ZDHHC14: variants seen among roughly 807,000 people sequenced by gnomAD.
The protein encoded by ZDHHC14 is zDHHC palmitoyltransferase 14.
A neutral mutation model predicts 47.7 loss-of-function variants in ZDHHC14; 16 were observed. That is an observed-to-expected ratio of 0.34 (90% CI 0.23 to 0.51). ZDHHC14 has a LOEUF of 0.51. Ranked by LOEUF, ZDHHC14 falls within the 20% of genes least tolerant of loss-of-function variation. The pLI is 0.97. For synonymous variants in ZDHHC14, 293 were observed against 278.9 expected, an observed-to-expected ratio of 1.05 and a Z score of -0.50; for missense variants, 515 against 662.5, an observed-to-expected ratio of 0.78 and a Z score of 2.44.
chr6:157,610,213 G>A (rs925229964), intron 3 of ZDHHC14, among the ~76,000 whole-genome samples: 2 of 152,216 alleles, frequency 1.3e-5, no homozygotes, highest in Non-Finnish European at 2.9e-5. Flanking sequence ...GGGAGGCCGA[G>A]GCAGGCGGAT....
chr6:157,560,635 G>T (rs1782672215), intron 2 of ZDHHC14, among the ~76,000 whole-genome samples: 1 of 152,076 alleles, frequency 6.6e-6, no homozygotes, highest in Non-Finnish European at 1.5e-5. Context: ...TGATGAGCAT[G>T]TGTTACCTTT....
intron 3 of ZDHHC14, among the ~76,000 whole-genome samples, chr6:157,617,142 A>G (rs1317278386): frequency 6.6e-6 from 1 of 152,224 alleles, no homozygotes; most frequent in Non-Finnish European, 1.5e-5. Context: ...GGCATTAGTG[A>G]CAGTCACGAG....
chr6:157,435,381 C>T (rs1051782142), intron 1 of ZDHHC14, among the ~76,000 whole-genome samples: 2 of 152,318 alleles, frequency 1.3e-5, no homozygotes, highest in African/African-American at 2.4e-5. Flanking sequence ...GGAGGGACTG[C>T]AGAAAGTCTT....
chr6:157,645,860 G>C (rs544067425), intron 6 of ZDHHC14, 21 bp downstream of exon 6: 42 of 1,605,882 alleles, frequency 2.6e-5, no homozygotes, highest in South Asian at 2.3e-4. Context: ...GACCACACGG[G>C]ACACGGGCGT....
intron 1 of ZDHHC14, among the ~76,000 whole-genome samples, chr6:157,467,180 C>T (rs1779239448): frequency 6.6e-6 from 1 of 152,144 alleles, no homozygotes; most frequent in Non-Finnish European, 1.5e-5. Context: ...AACTCACATG[C>T]CGTGAGATTT....
intron 1 of ZDHHC14, among the ~76,000 whole-genome samples, chr6:157,458,782 C>T (rs749197592): frequency 2.7e-5 from 4 of 149,226 alleles, no homozygotes; most frequent in South Asian, 2.1e-4. Context: ...ACTCAATTTA[C>T]GATATAACTA....
chr6:157,391,981 A>G (rs1777427583), intron 1 of ZDHHC14, among the ~76,000 whole-genome samples: 1 of 152,004 alleles, frequency 6.6e-6, no homozygotes, highest in African/African-American at 2.4e-5. Context: ...TCTCTTTTTA[A>G]TCTTTCTTTC....
intron 1 of ZDHHC14, among the ~76,000 whole-genome samples, chr6:157,439,690 T>C (rs562906503): frequency 6.6e-6 from 1 of 152,244 alleles, no homozygotes; most frequent in East Asian, 1.9e-4. Context: ...AATCATCCTA[T>C]TACAAAGGTT....
chr6:157,393,226 C>T (rs1459803834), intron 1 of ZDHHC14, among the ~76,000 whole-genome samples: 2 of 152,200 alleles, frequency 1.3e-5, no homozygotes, highest in African/African-American at 4.8e-5. Flanking sequence ...TTAAAAACAG[C>T]AGTATAATCA....
chr6:157,534,263 G>A (rs1781463989), intron 1 of ZDHHC14, among the ~76,000 whole-genome samples: 1 of 152,144 alleles, frequency 6.6e-6, no homozygotes, highest in Non-Finnish European at 1.5e-5. Context: ...TCTCGGAAGG[G>A]CCCTGGCTTG....
At chr6:157,410,908 G>T (rs1192651854) in intron 1 of ZDHHC14, among the ~76,000 whole-genome samples, 1 of 152,124 alleles carries the variant, frequency 6.6e-6, no homozygotes, top group African/African-American at 2.4e-5. Flanking sequence ...TGTTGGCCAG[G>T]ATGGTCTCGA....
At chr6:157,664,241 C>A (rs1778460388) in intron 8 of ZDHHC14, among the ~76,000 whole-genome samples, 1 of 152,238 alleles carries the variant, frequency 6.6e-6, no homozygotes, top group African/African-American at 2.4e-5. Context: ...CATATCCAAT[C>A]TACTGCTAAC....
chr6:157,634,752 T>C (rs927950742), intron 5 of ZDHHC14, among the ~76,000 whole-genome samples: 3 of 152,234 alleles, frequency 2.0e-5, no homozygotes, highest in Non-Finnish European at 2.9e-5. Context: ...TGAAACCCTG[T>C]GCGTGTGCAG....
At chr6:157,530,877 G>T (rs1447672598) in intron 1 of ZDHHC14, among the ~76,000 whole-genome samples, 1 of 151,784 alleles carries the variant, frequency 6.6e-6, no homozygotes, top group Non-Finnish European at 1.5e-5. Context: ...ATTCCTTGAG[G>T]TTTATGATGA....
At chr6:157,470,501 G>A (rs1479729481) in intron 1 of ZDHHC14, among the ~76,000 whole-genome samples, 1 of 152,168 alleles carries the variant, frequency 6.6e-6, no homozygotes, top group Non-Finnish European at 1.5e-5. Context: ...TTGAAAAAGT[G>A]TCAAAAAGCT....
intron 5 of ZDHHC14, among the ~76,000 whole-genome samples, chr6:157,642,391 A>G (rs1326823140): frequency 6.6e-6 from 1 of 152,220 alleles, no homozygotes; most frequent in Non-Finnish European, 1.5e-5. Context: ...GGTGCATAGA[A>G]GGACACAGAG....
chr6:157,570,866 C>T (rs1783075899), intron 2 of ZDHHC14, among the ~76,000 whole-genome samples: 2 of 151,790 alleles, frequency 1.3e-5, no homozygotes, highest in Admixed American at 1.3e-4. Context: ...CCTTCTGAGT[C>T]TGGGCAGCCC....
At chr6:157,472,569 C>A (rs1779381984) in intron 1 of ZDHHC14, among the ~76,000 whole-genome samples, 1 of 152,062 alleles carries the variant, frequency 6.6e-6, no homozygotes, top group African/African-American at 2.4e-5. Context: ...CAGCCAGAAT[C>A]CACACTTACC....
Position 157,581,153 on chromosome 6 carries a change from G to T in ZDHHC14, c.407-11835G>T, listed in dbSNP as rs149247498. 1.5e-3 allele frequency among the ~76,000 whole-genome samples: 230 copies of T among 151,974 alleles called. 2 individuals carry two copies. The highest frequency in any genetic ancestry group is 5.3e-3 in the African/African-American group (218 of 41,426). The stretch of plus-strand genomic sequence containing the variant: ...TCTCATTAGTTGCAAAGAACTTCTT[G>T]ATTTCTGCCTTGATTTCATTATTTA... On this transcript the variant is annotated intron_variant, in intron 2 of 8. Coordinates refer to ENST00000359775, the MANE Select transcript of ZDHHC14 (RefSeq NM_024630.3).
Sources: gnomAD v4.1 joint callset for allele counts (sites outside exome capture counted in the v4.1 genomes callset) on GRCh38, gnomAD v4.1.1 for gene constraint, MANE v1.5 for transcripts, NCBI Gene and HGNC (gene_info 2026-07-23, HGNC 2026-07-21) for gene names.